Variants in PTPRQ observed in about 807,000 individuals in gnomAD.
PTPRQ encodes phosphatidylinositol phosphatase PTPRQ.
PTPRQ carries 199 observed loss-of-function variants against 246.0 expected under a neutral mutation model. The observed-to-expected ratio is 0.81, with a 90% CI of 0.72 to 0.91. PTPRQ has a LOEUF of 0.91. PTPRQ is among the 40% of genes least tolerant of loss of function. The pLI, the probability that PTPRQ is intolerant of heterozygous loss-of-function variation, is 0.00. For synonymous variants in PTPRQ, 869 were observed against 853.2 expected (o/e 1.02, Z -0.32); for missense variants, 2,624 against 2,528.4 (o/e 1.04, Z -0.81).
intron 25 of PTPRQ, among the ~76,000 whole-genome samples, chr12:80,553,962 A>C (rs1006854753): frequency 5.9e-5 from 9 of 152,300 alleles, no homozygotes; most frequent in Middle Eastern, 3.4e-3. Flanking sequence ...CAGGCACAGA[A>C]AGACAAACTT....
intron 25 of PTPRQ, among the ~76,000 whole-genome samples, chr12:80,555,167 C>T (rs575683308): frequency 8.5e-5 from 13 of 152,256 alleles, no homozygotes; most frequent in Non-Finnish European, 1.6e-4. Flanking sequence ...CTACCTGCCT[C>T]GGCCTCCCAA....
chr12:80,481,391 A>G (rs1314061587), intron 8 of PTPRQ, among the ~76,000 whole-genome samples: 3 of 152,182 alleles, frequency 2.0e-5, no homozygotes, highest in African/African-American at 7.2e-5. Flanking sequence ...AATAAGAGCC[A>G]TCCATGACAA....
chr12:80,634,921 T>C (rs578052824), intron 34 of PTPRQ, 24 bp from the exon 35 acceptor site: 6 of 1,547,020 alleles, frequency 3.9e-6, no homozygotes, highest in Admixed American at 4.0e-5. Context: ...ACTCCCTTCT[T>C]GGACTTTACT....
chr12:80,463,136 G>T (rs967533945), intron 6 of PTPRQ, among the ~76,000 whole-genome samples: 8 of 152,192 alleles, frequency 5.3e-5, no homozygotes, highest in African/African-American at 1.4e-4. Context: ...GTAGATGAAT[G>T]TATAACTAGA....
Position 80,605,123 on chromosome 12 carries a change from C to G in PTPRQ, c.4674C>G (p.Ser1558Arg). The change falls in exon 27 of 45, where the codon AGC becomes AGG. Residue 1558 changes from serine to arginine, a missense_variant. Physicochemically the swap from Ser to Arg is moderately radical, Grantham distance 110. Coordinates refer to ENST00000644991, the MANE Select transcript of PTPRQ (RefSeq NM_001145026.2). ...CATCACCTTTTAGCATCAGCATAAG[C>G]TGGAGTGAACCTGCTGTCATTACTG... is the stretch of plus-strand genomic sequence containing the variant. The part of the protein sequence containing the change: ...VATSPFSISI[S>R]WSEPAVITGP... 1 of 1,545,494 alleles carries G rather than the reference C, an allele frequency of 6.5e-7. No homozygotes were observed. The highest frequency in any genetic ancestry group is 8.7e-7 in the Non-Finnish European group (1 of 1,143,248).
chr12:80,669,773 C>G lies in PTPRQ; in HGVS notation c.6453+309C>G, dbSNP rs1900910284. ...AGCTTTATTTTATCTAATGAAGAAA[C>G]TGTAATATCTGACTTGAGACAGCAA... On this transcript the variant is annotated intron_variant, in intron 41 of 44. Transcript: ENST00000644991. Among the ~76,000 whole-genome samples, 5 of 151,916 alleles carry G rather than the reference C, an allele frequency of 3.3e-5. No homozygotes were observed. The South Asian group carries it at 1.0e-3, about 32-fold the overall frequency.
At position 80,487,269 on chromosome 12, in the gene PTPRQ, A is replaced by T. The variant is rs979908985; in HGVS notation, c.1359+2664A>T. On this transcript the variant is annotated intron_variant, in intron 9 of 44. Transcript: ENST00000644991. ...TCTCTGAGATAATAGGGGCTTCATG[A>T]TGGGAGGGAAGATGTGACATTGGAA... Among the ~76,000 whole-genome samples, 90 of 152,210 alleles carry T rather than the reference A, an allele frequency of 5.9e-4. 1 individual carries two copies. The highest frequency in any genetic ancestry group is 2.2e-3 in the African/African-American group (90 of 41,566).
At chr12:80,596,228 T>C (rs529097884) in intron 26 of PTPRQ, among the ~76,000 whole-genome samples, 52 of 152,126 alleles carry the variant, frequency 3.4e-4, no homozygotes, top group Non-Finnish European at 7.1e-4. Context: ...ATAGAAAGCA[T>C]ATAACATTAA....
intron 9 of PTPRQ, among the ~76,000 whole-genome samples, chr12:80,489,254 T>C (rs749983003): frequency 2.0e-5 from 3 of 152,060 alleles, no homozygotes; most frequent in Non-Finnish European, 4.4e-5. Context: ...TAGATTCCAG[T>C]GGTTATGAAC....
chr12:80,445,092 A>G (rs1892512797), intron 2 of PTPRQ, among the ~76,000 whole-genome samples: 2 of 151,904 alleles, frequency 1.3e-5, no homozygotes, highest in Admixed American at 1.3e-4. Context: ...GATCAGAGAG[A>G]CTGTTAATGC....
intron 26 of PTPRQ, among the ~76,000 whole-genome samples, chr12:80,604,024 A>G (rs1329951214): frequency 6.6e-6 from 1 of 151,566 alleles, no homozygotes; most frequent in Non-Finnish European, 1.5e-5. Context: ...AGGTCCAAAC[A>G]TTTTGGTGTT....
At chr12:80,470,522 T>G (rs960142053) in intron 7 of PTPRQ, among the ~76,000 whole-genome samples, 4 of 152,154 alleles carry the variant, frequency 2.6e-5, no homozygotes, top group African/African-American at 9.7e-5. Context: ...ATTGACTATG[T>G]AAGTTGAGTA....
At chr12:80,633,156 A>C (rs549335053) in intron 34 of PTPRQ, among the ~76,000 whole-genome samples, 10 of 152,210 alleles carry the variant, frequency 6.6e-5, no homozygotes, top group Non-Finnish European at 8.8e-5. Flanking sequence ...GATGAGAGAC[A>C]ACAAGGTGAA....
chr12:80,571,756 T>G (rs773841294), intron 25 of PTPRQ, among the ~76,000 whole-genome samples: 3 of 152,098 alleles, frequency 2.0e-5, no homozygotes, highest in Non-Finnish European at 4.4e-5. Context: ...ATTTAATAAC[T>G]ATTTTAAAGA....
Position 80,495,081 on chromosome 12 carries a change from G to T in PTPRQ, c.1689G>T (p.Arg563Ser), listed in dbSNP as rs1439586860. ...GACCACCAACAGTTCTCAGTGTTAG[G>T]ACACGTCAGCAAGGTAAGGATGTAT... ...GEGPPTVLSV[R>S]TRQQVPSSIK... is the part of the protein sequence containing the mutation. Residue 563 changes from arginine to serine, a missense_variant, in exon 11 of 45, where the codon AGG becomes AGT. Arg to Ser is a moderately radical substitution (Grantham distance 110, BLOSUM62 -1). Coordinates refer to ENST00000644991, the MANE Select transcript of PTPRQ (RefSeq NM_001145026.2). The T allele has an allele frequency of 6.4e-7, 1 of 1,550,412 alleles. No homozygotes were observed. The highest frequency in any genetic ancestry group is 2.0e-5 in the Admixed American group (1 of 50,946).
At chr12:80,675,290 T>C (rs781104584) in intron 43 of PTPRQ, among the ~76,000 whole-genome samples, 1 of 152,218 alleles carries the variant, frequency 6.6e-6, no homozygotes, top group Non-Finnish European at 1.5e-5. Context: ...CATTTTGTAG[T>C]GGAACTTTAC....
In PTPRQ at chr12:80,673,235, T is replaced by C; in HGVS notation, c.6669T>C (p.His2223=). The change falls in exon 43 of 45, where the codon CAT becomes CAC. Residue 2223 remains histidine, a synonymous_variant. Coordinates refer to ENST00000644991, the MANE Select transcript of PTPRQ (RefSeq NM_001145026.2). The stretch of plus-strand genomic sequence containing the variant: ...ATTTAACACAACATATAAATGACCA[T>C]GATTTTGTGGATATATATGGACTAG... ...LDHLTQHIND[H]DFVDIYGLVA... is the part of the protein sequence containing the mutation. 1.9e-6 allele frequency: 3 copies of C among 1,550,886 alleles called. No individual in the cohort carries two copies. The highest frequency in any genetic ancestry group is 2.6e-6 in the Non-Finnish European group (3 of 1,146,440).
At chr12:80,576,001 C>T (rs1219126959) in intron 25 of PTPRQ, among the ~76,000 whole-genome samples, 4 of 152,094 alleles carry the variant, frequency 2.6e-5, no homozygotes, top group Non-Finnish European at 5.9e-5. Context: ...TCCATCTCTT[C>T]CTTCTCTCTC....
At chr12:80,667,152 C>T (rs778986702) in intron 39 of PTPRQ, among the ~76,000 whole-genome samples, 8 of 152,126 alleles carry the variant, frequency 5.3e-5, no homozygotes, top group Non-Finnish European at 8.8e-5. Context: ...TTACTCTACT[C>T]CAGGCACCTG....
Sources: gnomAD v4.1 joint callset for allele counts (sites outside exome capture counted in the v4.1 genomes callset) on GRCh38, gnomAD v4.1.1 for gene constraint, MANE v1.5 for transcripts, NCBI Gene and HGNC (gene_info 2026-07-23, HGNC 2026-07-21) for gene names.